The following ARHGAP39 variants were observed in gnomAD, a reference collection of about 807,000 sequenced individuals.
ARHGAP39 encodes the protein rho GTPase-activating protein 39.
A neutral mutation model predicts 106.9 loss-of-function variants in ARHGAP39; 44 were observed. That is an observed-to-expected ratio of 0.41 (90% CI 0.32 to 0.53). The LOEUF (loss-of-function observed/expected upper bound fraction) is 0.53. Ranked by LOEUF, ARHGAP39 falls within the 20% of genes least tolerant of loss-of-function variation. The probability of loss-of-function intolerance (pLI) is 0.21; values close to 1 mark genes in which losing one functional copy is unlikely to be tolerated. For missense variants in ARHGAP39, 1,496 were observed against 1,577.3 expected (o/e 0.95, Z 0.87); for synonymous variants, 768 against 693.2 (o/e 1.11, Z -1.69).
intron 1 of ARHGAP39, among the ~76,000 whole-genome samples, chr8:144,642,294 T>C (rs963399042): frequency 6.6e-5 from 10 of 152,174 alleles, no homozygotes; most frequent in Admixed American, 1.3e-4. Context: ...AAGATTAGCC[T>C]GGCCAACATG....
intron 1 of ARHGAP39, among the ~76,000 whole-genome samples, chr8:144,673,473 C>T (rs745554683): frequency 4.6e-5 from 7 of 152,314 alleles, no homozygotes; most frequent in Non-Finnish European, 1.0e-4. Flanking sequence ...CAGATATGTG[C>T]AACCTTCACC....
At chr8:144,560,521 G>T (rs1443943714) in intron 3 of ARHGAP39, among the ~76,000 whole-genome samples, 1 of 152,210 alleles carries the variant, frequency 6.6e-6, no homozygotes, top group Non-Finnish European at 1.5e-5. Flanking sequence ...TTACGGTACA[G>T]AACAAAAAGC....
At chr8:144,539,182 G>C (rs747111896) in intron 6 of ARHGAP39, among the ~76,000 whole-genome samples, 1 of 152,168 alleles carries the variant, frequency 6.6e-6, no homozygotes, top group Non-Finnish European at 1.5e-5. Context: ...GGTCCTCTCA[G>C]CTGACAGAAT....
intron 3 of ARHGAP39, among the ~76,000 whole-genome samples, chr8:144,557,106 A>G (rs371875904): frequency 1.2e-4 from 16 of 137,638 alleles, no homozygotes; most frequent in Admixed American, 2.1e-4. Flanking sequence ...CTGAACCTTC[A>G]TAGTATTCAG....
At chr8:144,695,039 G>A in the ARHGAP39 span, among the ~76,000 whole-genome samples, 4 of 150,102 alleles carry the variant, frequency 2.7e-5, no homozygotes, top group African/African-American at 4.9e-5. Flanking sequence ...TGGCCATTTG[G>A]ATTGTACCAT....
chr8:144,653,696 A>G (rs1821627968), intron 1 of ARHGAP39, among the ~76,000 whole-genome samples: 1 of 152,268 alleles, frequency 6.6e-6, no homozygotes, highest in African/African-American at 2.4e-5. Context: ...AGCTCGGGTC[A>G]TGACAGGGAC....
At chr8:144,669,349 T>C (rs1358019525) in intron 1 of ARHGAP39, among the ~76,000 whole-genome samples, 1 of 141,612 alleles carries the variant, frequency 7.1e-6, no homozygotes, top group Non-Finnish European at 1.5e-5. Context: ...CTACTAAAAA[T>C]ACAGAAAATT....
chr8:144,538,185 C>T (rs1817042859), intron 6 of ARHGAP39, among the ~76,000 whole-genome samples: 1 of 152,260 alleles, frequency 6.6e-6, no homozygotes, highest in African/African-American at 2.4e-5. Context: ...CCCCTGCCTG[C>T]CGGTCAGAAA....
intron 7 of ARHGAP39, among the ~76,000 whole-genome samples, chr8:144,537,232 G>A (rs998795980): frequency 1.3e-5 from 2 of 152,072 alleles, no homozygotes; most frequent in Non-Finnish European, 2.9e-5. Flanking sequence ...CTGCTTCTGG[G>A]GCTGTGCTAG....
At chr8:144,633,596 A>G (rs1341150970) in intron 1 of ARHGAP39, among the ~76,000 whole-genome samples, 2 of 152,246 alleles carry the variant, frequency 1.3e-5, no homozygotes, top group Non-Finnish European at 2.9e-5. Context: ...TTAACTATGA[A>G]TTTCATGGAG....
intron 1 of ARHGAP39, among the ~76,000 whole-genome samples, chr8:144,667,635 GAGA>G (rs1055820527): frequency 2.6e-4 from 40 of 152,332 alleles, no homozygotes; most frequent in Admixed American, 2.5e-3. Flanking sequence ...GACAGGACAG[GAGA>G]AGAAGTGTGA....
chr8:144,627,005 T>TC (rs1271296169), intron 1 of ARHGAP39, among the ~76,000 whole-genome samples: 1 of 151,694 alleles, frequency 6.6e-6, no homozygotes, highest in Non-Finnish European at 1.5e-5. Flanking sequence ...GGGGAGAGGA[T>TC]CCCCCCGCAA....
rs1819373844 is a variant in ARHGAP39 at position 144,591,058 on chromosome 8, CT to C, written c.81-9782del. Reference sequence around the variant, plus strand: ...AATTCCTGGCAAAGCCCCCATCCCCCTGGTCCACTCCTCAGCCTGGCCGGTC... The same window carrying C: ...AATTCCTGGCAAAGCCCCCATCCCCCGGTCCACTCCTCAGCCTGGCCGGTC... On this transcript the variant is annotated intron_variant, in intron 2 of 11. Transcript: ENST00000377307. The surrounding 1 kb of genome is among the most constrained non-coding windows in gnomAD (Gnocchi z 5.3). Among the ~76,000 whole-genome samples the C allele has an allele frequency of 2.0e-5, 3 of 152,260 alleles. No homozygotes were observed. The highest frequency in any genetic ancestry group is 1.5e-5 in the Non-Finnish European group (1 of 68,044).
At chr8:144,600,807 C>G (rs1819866540) in intron 2 of ARHGAP39, among the ~76,000 whole-genome samples, 1 of 148,672 alleles carries the variant, frequency 6.7e-6, no homozygotes, top group South Asian at 2.1e-4. Flanking sequence ...ATCTACCTAC[C>G]TGCGCGTGTG....
chr8:144,622,143 C>T (rs996573388), intron 1 of ARHGAP39, among the ~76,000 whole-genome samples: 5 of 152,142 alleles, frequency 3.3e-5, no homozygotes, highest in East Asian at 1.9e-4. Context: ...GTGCCAGCAG[C>T]GGGACACAGG....
chr8:144,621,110 CCAG>C (rs1820797255), intron 1 of ARHGAP39, among the ~76,000 whole-genome samples: 1 of 152,276 alleles, frequency 6.6e-6, no homozygotes, highest in African/African-American at 2.4e-5. Context: ...GGCCCAAGCC[CCAG>C]CCTGCAGCTG....
intron 3 of ARHGAP39, among the ~76,000 whole-genome samples, chr8:144,579,537 C>A (rs893181329): frequency 6.6e-6 from 1 of 152,164 alleles, no homozygotes; most frequent in Admixed American, 6.5e-5. Flanking sequence ...CTCCTCCACA[C>A]CTGATTTGCC....
In ARHGAP39 at chr8:144,586,409, T is replaced by C. The variant is rs1819186971; in HGVS notation, c.81-5132A>G. 1 of 152,424 alleles carries C rather than the reference T, an allele frequency of 6.6e-6. No homozygotes were observed. Among genetic ancestry groups the C allele is most frequent in the Non-Finnish European group, 1.5e-5 (1 of 68,196 alleles). 9.4% of individuals were successfully genotyped at this position (152,424 alleles called of 1,614,324 possible). ...CTCCCGGCTCTGGGCTACACCTTGG[T>C]GACGGGCTCCTCTCTCCTCTGCCCC... On this transcript the variant is annotated intron_variant, in intron 2 of 11. Coordinates refer to ENST00000377307, the MANE Select transcript of ARHGAP39 (RefSeq NM_025251.3). The surrounding 1 kb of genome is among the most constrained non-coding windows in gnomAD (Gnocchi z 4.2).
chr8:144,681,370 A>T (rs1341761268), intron 1 of ARHGAP39, among the ~76,000 whole-genome samples: 1 of 152,198 alleles, frequency 6.6e-6, no homozygotes, highest in Non-Finnish European at 1.5e-5. Flanking sequence ...CCACAGGCTG[A>T]ACACCAGAGT....
Sources: allele counts gnomAD v4.1 joint callset (sites outside exome capture counted in the v4.1 genomes callset), GRCh38; gene constraint gnomAD v4.1.1; non-coding constraint Gnocchi (gnomAD v3.1); transcripts MANE v1.5; gene names NCBI Gene and HGNC (gene_info 2026-07-23, HGNC 2026-07-21).